The following CIT variants were observed in gnomAD, a reference collection of about 807,000 sequenced individuals.
CIT encodes the protein citron Rho-interacting kinase.
In CIT, 79 loss-of-function variants were observed where a neutral mutation model predicts 272.7. The ratio of observed to expected loss-of-function variants is 0.29; its 90% CI spans 0.24 to 0.35. CIT has a LOEUF of 0.35. Ranked by LOEUF, CIT falls within the 10% of genes least tolerant of loss-of-function variation. CIT has a pLI of 1.00. For missense variants in CIT, 1,909 were observed against 2,618.3 expected (o/e 0.73, Z 5.91); for synonymous variants, 948 against 995.6 (o/e 0.95, Z 0.90).
At chr12:119,791,705 C>T (rs1965324260) in intron 10 of CIT, among the ~76,000 whole-genome samples, 1 of 152,210 alleles carries the variant, frequency 6.6e-6, no homozygotes, top group South Asian at 2.1e-4. Flanking sequence ...TCTTCGAGCA[C>T]GAAGCCAAGT....
Position 119,712,111 on chromosome 12 carries a change from G to T in CIT, c.4854+67C>A, listed in dbSNP as rs1454602227. On this transcript the variant is annotated intron_variant, in intron 37 of 47. Transcript: ENST00000392521. The surrounding 1 kb of genome is among the most constrained non-coding windows in gnomAD (Gnocchi z 5.2). ...CAAAATGGCCAATGGGATTCTCGTC[G>T]TTAACACCAGTTACCAAGTCAGCCC... 1.2e-5 allele frequency: 17 copies of T among 1,467,252 alleles called. No homozygotes were observed. Among genetic ancestry groups the T allele is most frequent in the Non-Finnish European group, 1.5e-5 (16 of 1,086,468 alleles). The allele number at this position is 1,467,252 out of a possible 1,614,324, so 90.9% of individuals were successfully genotyped here.
At chr12:119,820,273 G>A (rs191725716) in intron 9 of CIT, among the ~76,000 whole-genome samples, 1 of 152,326 alleles carries the variant, frequency 6.6e-6, no homozygotes, top group East Asian at 1.9e-4. Flanking sequence ...ACTGGGGGCT[G>A]GGTGCGGTGG....
rs202076791 is a variant in CIT at position 119,834,087 on chromosome 12, G to A, written c.658C>T (p.Arg220Ter). The change falls in exon 6 of 48, where the codon CGA becomes TGA. Residue 220 changes from arginine to a stop codon, truncating the protein, a stop_gained and splice_region_variant. Coordinates refer to ENST00000392521, the MANE Select transcript of CIT (RefSeq NM_001206999.2). LOFTEE classifies it high-confidence loss of function. Reference protein sequence around the residue: ...HSVHLMGYVHRDIKPENILVD... With the variant: ...HSVHLMGYVH The stretch of plus-strand genomic sequence containing the variant: ...AAATGCTACCAGAGTCTCACTTACC[G>A]ATGCACGTATCCCATCAGATGAACG... The A allele has an allele frequency of 2.4e-5, 39 of 1,606,316 alleles. No individual in the cohort carries two copies. The highest frequency in any genetic ancestry group is 1.7e-4 in the Middle Eastern group (1 of 6,040).
rs768079945 is a variant in CIT at position 119,772,865 on chromosome 12, G to A, written c.1987C>T (p.Arg663Cys). 6.2e-6 allele frequency: 10 copies of A among 1,613,938 alleles called. No homozygotes were observed. The highest frequency in any genetic ancestry group is 2.2e-5 in the East Asian group (1 of 44,880). Residue 663 changes from arginine to cysteine, a missense_variant, in exon 17 of 48, where the codon CGC (arginine) becomes TGC (cysteine). Arg to Cys is a radical substitution (Grantham distance 180). Coordinates refer to ENST00000392521, the MANE Select transcript of CIT (RefSeq NM_001206999.2). ...TEATELLQNI[R>C]QAKERAEREL... ...CTCTCGGCTCGCTCCTTTGCCTGGCGGATATTCTGCAGCAGCTCGGTGGCC... is the reference window on the plus strand; with the variant it reads ...CTCTCGGCTCGCTCCTTTGCCTGGCAGATATTCTGCAGCAGCTCGGTGGCC...
At chr12:119,759,336 C>A (rs989280948) in intron 20 of CIT, among the ~76,000 whole-genome samples, 2 of 152,200 alleles carry the variant, frequency 1.3e-5, no homozygotes, top group African/African-American at 4.8e-5. Context: ...ATCGAGGTTG[C>A]GTGCTCCTAA....
chr12:119,728,631 A>G lies in CIT; in HGVS notation c.3487-25T>C, dbSNP rs1593500251. The G allele has an allele frequency of 6.9e-7, 1 of 1,456,162 alleles. No individual in the cohort carries two copies. Among genetic ancestry groups the G allele is most frequent in the Non-Finnish European group, 9.6e-7 (1 of 1,045,052 alleles). 90.2% of individuals were successfully genotyped at this position (1,456,162 alleles called of 1,614,324 possible). On this transcript the variant is annotated intron_variant, in intron 27 of 47. Coordinates refer to ENST00000392521, the MANE Select transcript of CIT (RefSeq NM_001206999.2). The surrounding 1 kb of genome is among the most constrained non-coding windows in gnomAD (Gnocchi z 4.3). ...GCTAGACATTTGGAAAGATTGGCATAATGCCACACTTAGGAATGTTAGATG... is the reference window on the plus strand; with the variant it reads ...GCTAGACATTTGGAAAGATTGGCATGATGCCACACTTAGGAATGTTAGATG...
Position 119,735,235 on chromosome 12 carries a change from T to C in CIT, c.3081A>G (p.Val1027=). The C allele has an allele frequency of 6.2e-7, 1 of 1,614,208 alleles. No homozygotes were observed. The highest frequency in any genetic ancestry group is 8.5e-7 in the Non-Finnish European group (1 of 1,180,030). The change falls in exon 25 of 48, where the codon GTA becomes GTG. Residue 1027 remains valine (V), a synonymous_variant. Coordinates refer to ENST00000392521, the MANE Select transcript of CIT (RefSeq NM_001206999.2). ...GATGGTCCACTTCACTTCGCAGTTG[T>C]ACAATCTCGTCGTTGGCGCCAGAAG... ...DEASGANDEI[V]QLRSEVDHLR...
chr12:119,825,060 A>G, intron 8 of CIT, 105 bp downstream of exon 8: 2 of 962,870 alleles, frequency 2.1e-6, no homozygotes, highest in South Asian at 3.2e-5. Flanking sequence ...TCGGCCTCCC[A>G]AAGTGCCGGG....
At chr12:119,782,777 G>T (rs1420596805) in intron 12 of CIT, 140 bp from the exon 13 acceptor site, 6 of 1,043,244 alleles carry the variant, frequency 5.8e-6, no homozygotes, top group Non-Finnish European at 8.1e-6. Context: ...CTTCCAGTTG[G>T]TTGCCGACTC....
rs1958628916 is a variant in CIT at position 119,734,175 on chromosome 12, C to T, written c.3339G>A (p.Glu1113=). ...VRELQRMLDT[E]KQSRARADQR... The stretch of plus-strand genomic sequence containing the variant: ...ACACAAAGCCCCACCTGCTCTGTTT[C>T]TCGGTGTCCAGCATTCTCTGCAGCT... The change falls in exon 26 of 48, where the codon GAG becomes GAA. Residue 1113 remains glutamate, a synonymous_variant. Coordinates refer to ENST00000392521, the MANE Select transcript of CIT (RefSeq NM_001206999.2). 1.2e-6 allele frequency: 2 copies of T among 1,613,650 alleles called. No individual in the cohort carries two copies. The highest frequency in any genetic ancestry group is 1.7e-5 in the Admixed American group (1 of 60,010).
intron 32 of CIT, among the ~76,000 whole-genome samples, chr12:119,716,416 T>TAAAAAAAAAAAAAA (rs1481968570): frequency 1.1e-4 from 8 of 70,574 alleles, no homozygotes; most frequent in African/African-American, 4.2e-4. Flanking sequence ...AAAAAAAAAG[T>TAAAAAAAAAAAAAA]AAAGCTCTTT....
intron 28 of CIT, among the ~76,000 whole-genome samples, chr12:119,727,644 G>A (rs1339358134): frequency 6.6e-6 from 1 of 152,130 alleles, no homozygotes; most frequent in Non-Finnish European, 1.5e-5. Flanking sequence ...ACAAGTCCAG[G>A]CAGGGCACGG....
intron 27 of CIT, among the ~76,000 whole-genome samples, chr12:119,729,980 T>C (rs1958342299): frequency 6.6e-6 from 1 of 152,176 alleles, no homozygotes; most frequent in Non-Finnish European, 1.5e-5. Flanking sequence ...ACTATAAATG[T>C]AATATGGAGA....
chr12:119,691,799 T>A (rs1410881800), intron 46 of CIT, among the ~76,000 whole-genome samples: 2 of 152,184 alleles, frequency 1.3e-5, no homozygotes, highest in Admixed American at 1.3e-4. Flanking sequence ...CTGAGTCAAT[T>A]CTTTCCCACC....
intron 9 of CIT, among the ~76,000 whole-genome samples, chr12:119,814,780 T>C (rs984975258): frequency 5.3e-5 from 8 of 152,160 alleles, no homozygotes; most frequent in African/African-American, 1.2e-4. Flanking sequence ...ATCACGCCTG[T>C]AATCCCAGCA....
intron 10 of CIT, among the ~76,000 whole-genome samples, chr12:119,787,432 T>TA (rs35841635): frequency 1.8e-4 from 27 of 147,310 alleles, no homozygotes; most frequent in African/African-American, 4.0e-4. Context: ...CCTTGTCTCT[T>TA]AAAAAAAAAA....
In CIT at chr12:119,825,361, G is replaced by A. The variant is rs1968078646; in HGVS notation, c.761C>T (p.Ala254Val). 1.2e-6 allele frequency: 2 copies of A among 1,613,766 alleles called. No individual in the cohort carries two copies. Among genetic ancestry groups the A allele is most frequent in the Non-Finnish European group, 8.5e-7 (1 of 1,179,922 alleles). The change falls in exon 8 of 48, where the codon GCC (alanine) becomes GTC (valine). Residue 254 changes from alanine (A) to valine (V), a missense_variant. Ala to Val is a moderately conservative substitution (Grantham distance 64). Around this residue, in one of 8 missense-constraint regions of CIT, gnomAD observed 529 missense variants for 549.6 expected, o/e 0.96. Coordinates refer to ENST00000392521, the MANE Select transcript of CIT (RefSeq NM_001206999.2). ...AKMNSNKMVN[A>V]KLPIGTPDYM... ...ATCTGGGGTCCCAATCGGGAGTTTG[G>A]CATTCACCTAGAATCCCATCAATAA... is the stretch of plus-strand genomic sequence containing the variant.
intron 9 of CIT, among the ~76,000 whole-genome samples, chr12:119,808,736 TTCTC>T (rs1462477674): frequency 6.6e-6 from 1 of 152,194 alleles, no homozygotes; most frequent in Non-Finnish European, 1.5e-5. Context: ...TTCAACTTCG[TTCTC>T]TCTACCATGA....
chr12:119,753,303 C>G (rs1378384864), intron 22 of CIT, among the ~76,000 whole-genome samples: 5 of 152,086 alleles, frequency 3.3e-5, no homozygotes, highest in Non-Finnish European at 4.4e-5. Context: ...AAGGCTCCTC[C>G]CTAGAAAAGG....
Sources: gnomAD v4.1 joint callset for allele counts (sites outside exome capture counted in the v4.1 genomes callset) on GRCh38, gnomAD v4.1.1 for gene constraint, gnomAD v4.1.1 regional missense constraint, Gnocchi (gnomAD v3.1) non-coding constraint, MANE v1.5 for transcripts, NCBI Gene and HGNC (gene_info 2026-07-23, HGNC 2026-07-21) for gene names.